The following PTPN11 variants were observed in gnomAD, a reference collection of about 807,000 sequenced individuals.
PTPN11 encodes the protein protein tyrosine phosphatase non-receptor type 11.
Under a neutral mutation model 78.8 loss-of-function variants are expected in PTPN11, and 6 were observed. The observed-to-expected ratio is 0.08, with a 90% CI of 0.04 to 0.15. The LOEUF is 0.15. Among genes scored for constraint, PTPN11 ranks in the 10% least tolerant of loss-of-function variants. PTPN11 has a pLI of 1.00. For missense variants in PTPN11, 386 were observed against 744.8 expected, an observed-to-expected ratio of 0.52 and a Z score of 5.61; for synonymous variants, 221 against 263.5, an observed-to-expected ratio of 0.84 and a Z score of 1.56.
In PTPN11 at chr12:112,453,393, T is replaced by A. The variant is rs370878456; in HGVS notation, c.525+6T>A. The A allele has an allele frequency of 1.9e-6, 3 of 1,613,830 alleles. No individual in the cohort carries two copies. Among genetic ancestry groups the A allele is most frequent in the Non-Finnish European group, 2.5e-6 (3 of 1,179,932 alleles). On this transcript the variant is annotated splice_donor_region_variant and intron_variant, in intron 4 of 15. Coordinates refer to ENST00000351677, the MANE Select transcript of PTPN11 (RefSeq NM_002834.5). ...ATGTTATGATTCGCTGTCAGGTAAATCTCCAGTTGAAAAATGGGTCTGGCA... is the reference window on the plus strand; with the variant it reads ...ATGTTATGATTCGCTGTCAGGTAAAACTCCAGTTGAAAAATGGGTCTGGCA...
At chr12:112,445,475 C>A (rs1480825570) in intron 1 of PTPN11, among the ~76,000 whole-genome samples, 1 of 152,034 alleles carries the variant, frequency 6.6e-6, no homozygotes, top group Non-Finnish European at 1.5e-5. Flanking sequence ...TCTGTCTTTA[C>A]ATGTATATAT....
At position 112,508,265 on chromosome 12, in the gene PTPN11, A is replaced by C. The variant is rs889325728; in HGVS notation, c.*2473A>C. The C allele has an allele frequency of 6.6e-5, 10 of 152,654 alleles. No homozygotes were observed. Among genetic ancestry groups the C allele is most frequent in the African/African-American group, 2.4e-4 (10 of 41,462 alleles). 9.5% of individuals were successfully genotyped at this position (152,654 alleles called of 1,614,324 possible). A position where few individuals can be genotyped will look rare whatever the true frequency, so the allele number is the denominator to read the frequency against. On this transcript the variant is annotated 3_prime_UTR_variant, in exon 16 of 16. Coordinates refer to ENST00000351677, the MANE Select transcript of PTPN11 (RefSeq NM_002834.5). ...TCATGTTCTTATGTAAACTTAGGCC[A>C]AGGCCAGAGTTATCATAGTCCCTAG...
At chr12:112,457,123 G>A (rs962531657) in intron 6 of PTPN11, among the ~76,000 whole-genome samples, 12 of 152,060 alleles carry the variant, frequency 7.9e-5, no homozygotes, top group African/African-American at 1.9e-4. Flanking sequence ...AAAAAGTGAT[G>A]ATAGGCTGGG....
intron 1 of PTPN11, among the ~76,000 whole-genome samples, chr12:112,443,945 C>T (rs527429228): frequency 2.5e-4 from 38 of 151,944 alleles, no homozygotes; most frequent in African/African-American, 3.4e-4. Flanking sequence ...TAAGCCACTG[C>T]GCCTGGCCCT....
Position 112,453,402 on chromosome 12 carries a change from G to A in PTPN11, c.525+15G>A. 6.2e-7 allele frequency: 1 copy of A among 1,613,062 alleles called. No homozygotes were observed. On this transcript the variant is annotated intron_variant, in intron 4 of 15. Coordinates refer to ENST00000351677, the MANE Select transcript of PTPN11 (RefSeq NM_002834.5). ...TTCGCTGTCAGGTAAATCTCCAGTTGAAAAATGGGTCTGGCAAGATGTTAC... is the reference window on the plus strand; with the variant it reads ...TTCGCTGTCAGGTAAATCTCCAGTTAAAAAATGGGTCTGGCAAGATGTTAC...
chr12:112,506,930 C>A lies in PTPN11; in HGVS notation c.*1138C>A. On this transcript the variant is annotated 3_prime_UTR_variant, in exon 16 of 16. Coordinates refer to ENST00000351677, the MANE Select transcript of PTPN11 (RefSeq NM_002834.5). ...TAAGTCCAGAATTGTCACAGTGTCCCTTCTACTTCCCTCTATTGATGATGA... is the reference window on the plus strand; with the variant it reads ...TAAGTCCAGAATTGTCACAGTGTCCATTCTACTTCCCTCTATTGATGATGA... The A allele has an allele frequency of 4.5e-6, 1 of 224,038 alleles. No homozygotes were observed. The highest frequency in any genetic ancestry group is 4.4e-5 in the Admixed American group (1 of 22,736). 13.9% of individuals were successfully genotyped at this position (224,038 alleles called of 1,614,324 possible). A position where few individuals can be genotyped will look rare whatever the true frequency, so the allele number is the denominator to read the frequency against.
intron 1 of PTPN11, among the ~76,000 whole-genome samples, chr12:112,442,608 C>T (rs1383248640): frequency 2.0e-5 from 3 of 150,946 alleles, no homozygotes; most frequent in Non-Finnish European, 3.0e-5. Context: ...CTTGCCACCA[C>T]GGCCGGCTAA....
At chr12:112,501,675 C>A (rs2135928332) in intron 13 of PTPN11, among the ~76,000 whole-genome samples, 1 of 152,236 alleles carries the variant, frequency 6.6e-6, no homozygotes, top group Non-Finnish European at 1.5e-5. Context: ...AGGGGAGATA[C>A]AATGAAGTGT....
chr12:112,455,058 T>G (rs2038136041), intron 5 of PTPN11, among the ~76,000 whole-genome samples: 1 of 150,458 alleles, frequency 6.6e-6, no homozygotes, highest in Non-Finnish European at 1.5e-5. Flanking sequence ...GACCTCAGGT[T>G]TTCTGCCCGC....
intron 1 of PTPN11, among the ~76,000 whole-genome samples, chr12:112,426,269 T>C (rs371872392): frequency 1.5e-3 from 232 of 152,302 alleles, no homozygotes; most frequent in African/African-American, 4.7e-3. Context: ...CTTTTTTTTT[T>C]CTTTGAGACA....
chr12:112,477,423 A>G (rs1418966852), intron 7 of PTPN11, among the ~76,000 whole-genome samples: 12 of 152,232 alleles, frequency 7.9e-5, no homozygotes, highest in Admixed American at 2.0e-4. Flanking sequence ...ATAACATCCT[A>G]TATACCCATA....
At chr12:112,420,018 A>G (rs1223252605) in intron 1 of PTPN11, among the ~76,000 whole-genome samples, 2 of 152,228 alleles carry the variant, frequency 1.3e-5, no homozygotes, top group African/African-American at 2.4e-5. Context: ...AAGATGAGTA[A>G]ACCGAGTTTC....
chr12:112,437,618 A>G (rs763215281), intron 1 of PTPN11, among the ~76,000 whole-genome samples: 25 of 152,136 alleles, frequency 1.6e-4, no homozygotes, highest in Non-Finnish European at 3.1e-4. Flanking sequence ...TTCTTGTGCC[A>G]TCTTTATTGG....
chr12:112,499,080 G>C (rs908098720), intron 13 of PTPN11, among the ~76,000 whole-genome samples: 1 of 152,094 alleles, frequency 6.6e-6, no homozygotes, highest in Non-Finnish European at 1.5e-5. Context: ...AATGGGTATA[G>C]AGTTTCAGTA....
chr12:112,453,911 G>A (rs2038115554), intron 4 of PTPN11, among the ~76,000 whole-genome samples: 1 of 151,882 alleles, frequency 6.6e-6, no homozygotes, highest in South Asian at 2.1e-4. Flanking sequence ...ACCTCTCAAA[G>A]TGTTAGGATT....
chr12:112,435,112 A>C (rs1437287146), intron 1 of PTPN11, among the ~76,000 whole-genome samples: 1 of 151,990 alleles, frequency 6.6e-6, no homozygotes, highest in Non-Finnish European at 1.5e-5. Context: ...CCGACGTCCC[A>C]GGCTCAGGCA....
At chr12:112,460,055 C>G (rs558421955) in intron 6 of PTPN11, among the ~76,000 whole-genome samples, 1 of 152,246 alleles carries the variant, frequency 6.6e-6, no homozygotes, top group East Asian at 1.9e-4. Flanking sequence ...TCAACTGATT[C>G]TCTTGCCTCA....
At chr12:112,423,477 G>C (rs917184422) in intron 1 of PTPN11, among the ~76,000 whole-genome samples, 2 of 151,966 alleles carry the variant, frequency 1.3e-5, no homozygotes, top group Non-Finnish European at 2.9e-5. Flanking sequence ...GTAGGGATGG[G>C]GTTTCACCAT....
chr12:112,509,626 G>T lies in PTPN11; in HGVS notation c.*3834G>T, dbSNP rs575177579. Reference sequence around the variant, plus strand: ...TCATTTTGATGTGAATCATGTAAATGTTGATAATATGCTGTTTATTATACA... The same window carrying T: ...TCATTTTGATGTGAATCATGTAAATTTTGATAATATGCTGTTTATTATACA... On this transcript the variant is annotated 3_prime_UTR_variant, in exon 16 of 16. Transcript: ENST00000351677. The T allele has an allele frequency of 6.5e-6, 1 of 152,674 alleles. No individual in the cohort carries two copies. Among genetic ancestry groups the T allele is most frequent in the Admixed American group, 6.5e-5 (1 of 15,286 alleles). The allele number at this position is 152,674 out of a possible 1,614,324, so 9.5% of individuals were successfully genotyped here.
Sources: gnomAD v4.1 joint callset for allele counts (sites outside exome capture counted in the v4.1 genomes callset) on GRCh38, gnomAD v4.1.1 for gene constraint, MANE v1.5 for transcripts, NCBI Gene and HGNC (gene_info 2026-07-23, HGNC 2026-07-21) for gene names.